Variants in FAM78B observed in about 807,000 individuals in gnomAD.
FAM78B encodes family with sequence similarity 78 member B.
In FAM78B, 10 loss-of-function variants were observed where a neutral mutation model predicts 20.0. The ratio of observed to expected loss-of-function variants is 0.50; its 90% CI spans 0.31 to 0.85. The LOEUF (loss-of-function observed/expected upper bound fraction) is 0.85, where lower values mean the gene tolerates loss of function less well. Among genes scored for constraint, FAM78B ranks in the 40% least tolerant of loss-of-function variants. FAM78B has a pLI of 0.05. For synonymous variants in FAM78B, 135 were observed against 132.8 expected, an observed-to-expected ratio of 1.02 and a Z score of -0.12; for missense variants, 283 against 345.0, an observed-to-expected ratio of 0.82 and a Z score of 1.42.
chr1:166,106,280 C>T (rs1042042967), intron 1 of FAM78B, among the ~76,000 whole-genome samples: 16 of 150,686 alleles, frequency 1.1e-4, no homozygotes, highest in East Asian at 6.0e-4. Context: ...GGGTGCAGCA[C>T]GCCAACATGG....
rs1204691314 is a variant in FAM78B at position 166,120,175 on chromosome 1, T to C, written c.263+45811A>G. Among the ~76,000 whole-genome samples, 9 of 152,254 alleles carry C rather than the reference T, an allele frequency of 5.9e-5. No individual in the cohort carries two copies. In the East Asian group the frequency reaches 1.7e-3, roughly 29 times the overall value. On this transcript the variant is annotated intron_variant, in intron 1 of 1. Coordinates refer to ENST00000354422, the MANE Select transcript of FAM78B (RefSeq NM_001017961.5). ...GTGCCAGGTGCTGTGCTGGGGGCTT[T>C]ACATATGCCATTTCTTTAAATCCTC...
At chr1:166,094,883 C>T (rs1653216953) in intron 1 of FAM78B, among the ~76,000 whole-genome samples, 1 of 152,158 alleles carries the variant, frequency 6.6e-6, no homozygotes, top group Non-Finnish European at 1.5e-5. Flanking sequence ...TTAGAGCATG[C>T]TACATAAATT....
intron 1 of FAM78B, among the ~76,000 whole-genome samples, chr1:166,104,502 AAAGTC>A (rs1653681034): frequency 6.6e-6 from 1 of 152,372 alleles, no homozygotes; most frequent in South Asian, 2.1e-4. Flanking sequence ...CAACTTTAGC[AAAGTC>A]TCAGGATACA....
At chr1:166,074,327 A>G (rs1431168344) in intron 1 of FAM78B, among the ~76,000 whole-genome samples, 2 of 152,058 alleles carry the variant, frequency 1.3e-5, no homozygotes, top group Admixed American at 6.5e-5. Context: ...ACTACTACTC[A>G]TCCTCTGAGA....
chr1:166,142,103 G>A (rs566059941), intron 1 of FAM78B, among the ~76,000 whole-genome samples: 1 of 152,280 alleles, frequency 6.6e-6, no homozygotes, highest in South Asian at 2.1e-4. Context: ...GCCCTGCTCT[G>A]ACTTGGGACA....
At chr1:166,113,991 T>A (rs1420812740) in intron 1 of FAM78B, among the ~76,000 whole-genome samples, 3 of 152,128 alleles carry the variant, frequency 2.0e-5, no homozygotes, top group Non-Finnish European at 4.4e-5. Flanking sequence ...GCCCACCACA[T>A]TAGGGCCCAC....
rs923416337 is a variant in FAM78B at position 166,070,132 on chromosome 1, C to T, written c.*109G>A. ...AAAGTGGCTGCAAAGGCTGGCAAAC[C>T]GAGAGGTCTGCTTTGGCTCAGAAAC... On this transcript the variant is annotated 3_prime_UTR_variant, in exon 2 of 2. Coordinates refer to ENST00000354422, the MANE Select transcript of FAM78B (RefSeq NM_001017961.5). The T allele has an allele frequency of 1.8e-5, 25 of 1,406,962 alleles. No homozygotes were observed. The highest frequency in any genetic ancestry group is 2.5e-5 in the Admixed American group (1 of 39,784). 87.2% of individuals were successfully genotyped at this position (1,406,962 alleles called of 1,614,324 possible). A position where few individuals can be genotyped will look rare whatever the true frequency, so the allele number is the denominator to read the frequency against.
rs566403859 is a variant in FAM78B, at chr1:166,060,537, C to T, written c.*536G>A. On this transcript the variant is annotated 3_prime_UTR_variant and NMD_transcript_variant, in exon 3 of 3. Transcript: ENST00000435676. ...GCGAGGAGGTAGGCAGGATGGCACA[C>T]ATTTTAATGGGAAATCAGCTGTCCA... The T allele has an allele frequency of 9.3e-5, 108 of 1,156,232 alleles. 1 individual carries two copies. The African/African-American group carries it at 1.5e-3, about 16-fold the overall frequency. The allele number at this position is 1,156,232 out of a possible 1,614,324, so 71.6% of individuals were successfully genotyped here. A position where few individuals can be genotyped will look rare whatever the true frequency, so the allele number is the denominator to read the frequency against.
At chr1:166,102,095 T>C (rs1163636188) in intron 1 of FAM78B, among the ~76,000 whole-genome samples, 4 of 152,190 alleles carry the variant, frequency 2.6e-5, no homozygotes, top group Non-Finnish European at 4.4e-5. Flanking sequence ...CAGAATTTCA[T>C]ATCCAGCCAA....
chr1:166,154,687 T>A (rs1178820096), intron 1 of FAM78B: 1 of 526,582 alleles, frequency 1.9e-6, no homozygotes, highest in African/African-American at 1.9e-5. Flanking sequence ...GACCACTGAC[T>A]GCTGCTTTGA....
intron 1 of FAM78B, among the ~76,000 whole-genome samples, chr1:166,136,031 G>C (rs1655050810): frequency 6.6e-6 from 1 of 152,268 alleles, no homozygotes; most frequent in African/African-American, 2.4e-5. Flanking sequence ...AAGGAACATT[G>C]CAAGCCTCAA....
intron 1 of FAM78B, among the ~76,000 whole-genome samples, chr1:166,102,462 C>G (rs535212119): frequency 1.3e-5 from 2 of 152,118 alleles, no homozygotes; most frequent in Non-Finnish European, 2.9e-5. Flanking sequence ...TCAGGAAACC[C>G]GTCTCATCTG....
intron 1 of FAM78B, among the ~76,000 whole-genome samples, chr1:166,072,580 T>C (rs73033946): frequency 1.3e-3 from 194 of 152,326 alleles, no homozygotes; most frequent in African/African-American, 4.5e-3. Flanking sequence ...AATCTGCTCA[T>C]TGGGTTCATG....
downstream of FAM78B, among the ~76,000 whole-genome samples, chr1:166,068,328 A>G (rs1651878929): frequency 6.6e-6 from 1 of 152,244 alleles, no homozygotes; most frequent in African/African-American, 2.4e-5. Flanking sequence ...GGGACAGAGA[A>G]TGCCAAACAT....
intron 1 of FAM78B, among the ~76,000 whole-genome samples, chr1:166,128,272 A>T (rs1654715620): frequency 6.6e-6 from 1 of 151,924 alleles, no homozygotes; most frequent in South Asian, 2.1e-4. Flanking sequence ...TTCCTCCTTT[A>T]TTTATTCCTC....
At position 166,070,709 on chromosome 1, in the gene FAM78B, G is replaced by A. The variant is rs371850191; in HGVS notation, c.318C>T (p.Asp106=). ...ACCAAGGGTAGCTCACCCCATCTGAGTCACTGATGGCTTTTACTCTCCCTT... is the reference window on the plus strand; with the variant it reads ...ACCAAGGGTAGCTCACCCCATCTGAATCACTGATGGCTTTTACTCTCCCTT... The part of the protein sequence containing the change: ...LREGRVKAIS[D]SDGVSYPWYG... The change falls in exon 2 of 2, where the codon GAC becomes GAT. Residue 106 remains aspartate, a synonymous_variant. Transcript: ENST00000354422. 4 of 1,607,178 alleles carry A rather than the reference G, an allele frequency of 2.5e-6. No homozygotes were observed. Among genetic ancestry groups the A allele is most frequent in the Non-Finnish European group, 3.4e-6 (4 of 1,176,658 alleles).
chr1:166,112,784 A>G (rs1371284850), intron 1 of FAM78B, among the ~76,000 whole-genome samples: 1 of 152,164 alleles, frequency 6.6e-6, no homozygotes, highest in Non-Finnish European at 1.5e-5. Context: ...TAAATACTAC[A>G]CAGTCAACTT....
intron 1 of FAM78B, among the ~76,000 whole-genome samples, chr1:166,097,558 AC>A (rs1653335089): frequency 1.0e-5 from 1 of 99,198 alleles, no homozygotes; most frequent in Non-Finnish European, 2.2e-5. Flanking sequence ...GGGGACTGAG[AC>A]CAACCAGCCC....
At chr1:166,058,255 C>T (rs569752221) in exon 3 of FAM78B, 5 of 152,246 alleles carry the variant, frequency 3.3e-5, no homozygotes, top group African/African-American at 9.6e-5. Context: ...GGGTAACACT[C>T]GACTCTTTAG....
Sources: allele counts gnomAD v4.1 joint callset (sites outside exome capture counted in the v4.1 genomes callset), GRCh38; gene constraint gnomAD v4.1.1; transcripts MANE v1.5; gene names NCBI Gene and HGNC (gene_info 2026-07-23, HGNC 2026-07-21).